INPP4B: variants seen among roughly 807,000 people sequenced by gnomAD.
INPP4B encodes inositol polyphosphate 4-phosphatase type II.
Under a neutral mutation model 122.5 loss-of-function variants are expected in INPP4B, and 55 were observed. The ratio of observed to expected loss-of-function variants is 0.45; its 90% CI spans 0.36 to 0.56. INPP4B has a LOEUF of 0.56. Among genes scored for constraint, INPP4B ranks in the 20% least tolerant of loss-of-function variants. The pLI is 0.00. For synonymous variants in INPP4B, 403 were observed against 388.7 expected, an observed-to-expected ratio of 1.04 and a Z score of -0.43; for missense variants, 1,000 against 1,097.7, an observed-to-expected ratio of 0.91 and a Z score of 1.26.
intron 15 of INPP4B, among the ~76,000 whole-genome samples, chr4:142,180,999 G>A (rs1050770913): frequency 1.3e-5 from 2 of 152,102 alleles, no homozygotes; most frequent in African/African-American, 4.8e-5. Context: ...AAAACCAGGG[G>A]TACTCAAGGT....
At chr4:142,759,918 C>T (rs890640007) in intron 1 of INPP4B, among the ~76,000 whole-genome samples, 6 of 149,392 alleles carry the variant, frequency 4.0e-5, no homozygotes, top group East Asian at 3.9e-4. Context: ...AAAGAACATG[C>T]GAATTATTGA....
chr4:142,426,879 T>C (rs1808195416), intron 5 of INPP4B: 1 of 151,956 alleles, frequency 6.6e-6, no homozygotes, highest in African/African-American at 2.4e-5. Context: ...GAATCAAATA[T>C]CAAAGATTTA....
intron 2 of INPP4B, among the ~76,000 whole-genome samples, chr4:142,670,172 A>G (rs1320379177): frequency 6.6e-6 from 1 of 152,128 alleles, no homozygotes; most frequent in Non-Finnish European, 1.5e-5. Context: ...AAAACATAGT[A>G]TGTGTAGGGT....
chr4:142,105,756 C>A (rs1057040968), intron 23 of INPP4B, among the ~76,000 whole-genome samples: 3 of 152,050 alleles, frequency 2.0e-5, no homozygotes, highest in Non-Finnish European at 2.9e-5. Context: ...AAAGTGACAG[C>A]AATATGTTTA....
At chr4:142,274,873 ATGGCTGC>A (rs1434920369) in intron 9 of INPP4B, among the ~76,000 whole-genome samples, 1 of 151,828 alleles carries the variant, frequency 6.6e-6, no homozygotes, top group Non-Finnish European at 1.5e-5. Context: ...TAAGCAGTTC[ATGGCTGC>A]TGCAGTATTT....
chr4:142,034,892 C>T (rs933168240), intron 25 of INPP4B, among the ~76,000 whole-genome samples: 2 of 152,044 alleles, frequency 1.3e-5, no homozygotes, highest in African/African-American at 4.8e-5. Context: ...TGAAGTTAAA[C>T]CCTCCTGGCT....
chr4:142,721,761 C>T (rs1056369946), intron 2 of INPP4B, among the ~76,000 whole-genome samples: 3 of 152,052 alleles, frequency 2.0e-5, no homozygotes, highest in African/African-American at 7.2e-5. Flanking sequence ...GCAGAGATTG[C>T]AGTGAGCCGA....
At chr4:142,529,777 A>G (rs1827363652) in intron 2 of INPP4B, among the ~76,000 whole-genome samples, 1 of 152,080 alleles carries the variant, frequency 6.6e-6, no homozygotes. Context: ...CAGCTTGAGC[A>G]GATAGATTTA....
At chr4:142,492,391 GA>G (rs1312077809) in intron 2 of INPP4B, among the ~76,000 whole-genome samples, 1 of 152,154 alleles carries the variant, frequency 6.6e-6, no homozygotes, top group Non-Finnish European at 1.5e-5. Flanking sequence ...GGGCTCAGAA[GA>G]AGATAGAAAA....
At chr4:142,540,571 A>G (rs1393231190) in intron 2 of INPP4B, among the ~76,000 whole-genome samples, 4 of 152,180 alleles carry the variant, frequency 2.6e-5, no homozygotes, top group Non-Finnish European at 5.9e-5. Context: ...GGGAATAGAA[A>G]TACTCATCTG....
At chr4:142,623,522 A>G (rs1745463605) in intron 2 of INPP4B, among the ~76,000 whole-genome samples, 1 of 151,730 alleles carries the variant, frequency 6.6e-6, no homozygotes, top group Non-Finnish European at 1.5e-5. Context: ...CAGTCCCAAC[A>G]TTTCCATTCC....
intron 2 of INPP4B, among the ~76,000 whole-genome samples, chr4:142,607,310 C>T (rs1255251057): frequency 6.6e-6 from 1 of 151,944 alleles, no homozygotes; most frequent in African/African-American, 2.4e-5. Context: ...CAAATATATG[C>T]AAATGTTTAA....
chr4:142,129,861 C>G (rs1800441579), intron 18 of INPP4B, among the ~76,000 whole-genome samples: 1 of 152,084 alleles, frequency 6.6e-6, no homozygotes, highest in South Asian at 2.1e-4. Context: ...TTCATGACAT[C>G]ATGAGAAATG....
intron 7 of INPP4B, among the ~76,000 whole-genome samples, chr4:142,369,752 C>A (rs986645558): frequency 6.6e-6 from 1 of 151,256 alleles, no homozygotes; most frequent in Non-Finnish European, 1.5e-5. Flanking sequence ...CATGGTGAAA[C>A]CCCGTCTGTA....
At position 142,208,156 on chromosome 4, in the gene INPP4B, G is replaced by A. The variant is rs187682481; in HGVS notation, c.1072+269C>T. Among the ~76,000 whole-genome samples, 46 of 151,930 alleles carry A rather than the reference G, an allele frequency of 3.0e-4. No homozygotes were observed. In the East Asian group the frequency reaches 4.5e-3, roughly 15 times the overall value. On this transcript the variant is annotated intron_variant, in intron 14 of 25. Coordinates refer to ENST00000262992, the MANE Select transcript of INPP4B (RefSeq NM_001101669.3). ...GCTTAAATGTTAACTATTAGCCACC[G>A]TTAATATTACTTAAGGGTGCTATTA... is the stretch of plus-strand genomic sequence containing the variant.
chr4:142,310,830 C>A (rs1344676064), intron 8 of INPP4B, among the ~76,000 whole-genome samples: 2 of 151,940 alleles, frequency 1.3e-5, no homozygotes, highest in Non-Finnish European at 2.9e-5. Context: ...TGATGAATAG[C>A]CCAAAGGAAA....
chr4:142,107,600 C>T (rs1787810046), intron 23 of INPP4B, among the ~76,000 whole-genome samples: 1 of 152,000 alleles, frequency 6.6e-6, no homozygotes, highest in Non-Finnish European at 1.5e-5. Flanking sequence ...ACTTTTTTTG[C>T]ATAAAATATT....
At chr4:142,348,316 G>C (rs1780914900) in intron 7 of INPP4B, among the ~76,000 whole-genome samples, 1 of 151,992 alleles carries the variant, frequency 6.6e-6, no homozygotes, top group Non-Finnish European at 1.5e-5. Flanking sequence ...AGTGACCTTT[G>C]CCATTTTGAG....
intron 1 of INPP4B, among the ~76,000 whole-genome samples, chr4:142,798,846 T>TTGTG (rs70949190): frequency 0.19 from 27,878 of 149,092 alleles, 2,598 homozygotes; most frequent in South Asian, 0.25. Context: ...GTGTATATGT[T>TTGTG]TGTGTGTGTG....
Sources: gnomAD v4.1 joint callset for allele counts (sites outside exome capture counted in the v4.1 genomes callset) on GRCh38, gnomAD v4.1.1 for gene constraint, MANE v1.5 for transcripts, NCBI Gene and HGNC (gene_info 2026-07-23, HGNC 2026-07-21) for gene names.